CDK13: variants seen among roughly 807,000 people sequenced by gnomAD.
The protein encoded by CDK13 is cyclin dependent kinase 13.
In CDK13, 40 loss-of-function variants were observed where a neutral mutation model predicts 137.6. The ratio of observed to expected loss-of-function variants is 0.29; its 90% CI spans 0.23 to 0.38. The LOEUF (loss-of-function observed/expected upper bound fraction) is 0.38, where lower values mean the gene tolerates loss of function less well. CDK13 is among the 10% of genes least tolerant of loss of function. The pLI, the probability that CDK13 is intolerant of heterozygous loss-of-function variation, is 1.00. For synonymous variants in CDK13, 869 were observed against 760.1 expected, an observed-to-expected ratio of 1.14 and a Z score of -2.36; for missense variants, 1,704 against 1,951.8, an observed-to-expected ratio of 0.87 and a Z score of 2.39.
chr7:40,017,599 TAG>T (rs1785029123), intron 5 of CDK13, among the ~76,000 whole-genome samples: 2 of 152,134 alleles, frequency 1.3e-5, no homozygotes, highest in African/African-American at 4.8e-5. Flanking sequence ...TCTACTGATT[TAG>T]AGAGATACTA....
chr7:39,999,809 G>A (rs1157656032), intron 4 of CDK13, among the ~76,000 whole-genome samples: 3 of 152,084 alleles, frequency 2.0e-5, no homozygotes, highest in Non-Finnish European at 2.9e-5. Context: ...AGAGGGAAAG[G>A]TATCTTGACC....
At position 39,999,509 on chromosome 7, in the gene CDK13, G is replaced by A. The variant is rs1473641845; in HGVS notation, c.2182+9G>A. On this transcript the variant is annotated intron_variant, in intron 4 of 13. Transcript: ENST00000181839. ...CAGGGATAAAGACACTGGTAAGAATGCCAAGTTCTGGGGATCTTTGGGCCT... is the reference window on the plus strand; with the variant it reads ...CAGGGATAAAGACACTGGTAAGAATACCAAGTTCTGGGGATCTTTGGGCCT... 1.3e-6 allele frequency: 2 copies of A among 1,591,918 alleles called. No individual in the cohort carries two copies. Among genetic ancestry groups the A allele is most frequent in the Non-Finnish European group, 8.6e-7 (1 of 1,168,244 alleles).
intron 9 of CDK13, among the ~76,000 whole-genome samples, chr7:40,063,721 G>A (rs530303425): frequency 4.1e-4 from 63 of 151,948 alleles, no homozygotes; most frequent in African/African-American, 1.4e-3. Flanking sequence ...GCAGTGGCAT[G>A]ATCTCCACTC....
At chr7:40,022,477 G>T (rs1198989621) in intron 5 of CDK13, among the ~76,000 whole-genome samples, 2 of 152,022 alleles carry the variant, frequency 1.3e-5, no homozygotes, top group African/African-American at 2.4e-5. Flanking sequence ...TAGAAATGTT[G>T]AAATAAGATC....
rs532394933 is a variant in CDK13 at position 40,042,758 on chromosome 7, G to C, written c.2354-3078G>C. ...GCCTCCGAAAGTGTTGGGATTACAG[G>C]TGTGAGCCACCGTGCTCCAGCCCTC... On this transcript the variant is annotated intron_variant, in intron 5 of 13. Coordinates refer to ENST00000181839, the MANE Select transcript of CDK13 (RefSeq NM_003718.5). Among the ~76,000 whole-genome samples, 4 of 150,912 alleles carry C rather than the reference G, an allele frequency of 2.7e-5. No individual in the cohort carries two copies. In the East Asian group the frequency reaches 7.8e-4, roughly 29 times the overall value.
chr7:40,091,691 G>A (rs1268521988), intron 12 of CDK13, among the ~76,000 whole-genome samples: 1 of 152,090 alleles, frequency 6.6e-6, no homozygotes, highest in African/African-American at 2.4e-5. Flanking sequence ...GTGGTAATAG[G>A]GAAATGAAAA....
chr7:40,030,227 ATATATATG>A (rs1290191145), intron 5 of CDK13, among the ~76,000 whole-genome samples: 1 of 42,278 alleles, frequency 2.4e-5, no homozygotes, highest in Admixed American at 3.8e-4. Flanking sequence ...AATTATATAT[ATATATATG>A]TGTGTGTGTG....
intron 5 of CDK13, among the ~76,000 whole-genome samples, chr7:40,026,782 A>G (rs1023912681): frequency 2.0e-5 from 3 of 152,212 alleles, no homozygotes; most frequent in African/African-American, 7.2e-5. Flanking sequence ...TACTAGGAGA[A>G]AATTGGGAAA....
chr7:39,964,367 A>T (rs1783820216), intron 1 of CDK13, among the ~76,000 whole-genome samples: 1 of 152,120 alleles, frequency 6.6e-6, no homozygotes, highest in Non-Finnish European at 1.5e-5. Context: ...TGTGTCCAGG[A>T]ATTTATTCAT....
At chr7:40,050,080 A>G (rs948836681) in intron 7 of CDK13, among the ~76,000 whole-genome samples, 1 of 151,790 alleles carries the variant, frequency 6.6e-6, no homozygotes. Context: ...CCGGGGTCCA[A>G]GTGATTCTCC....
intron 5 of CDK13, among the ~76,000 whole-genome samples, chr7:40,024,394 G>T (rs1382797999): frequency 6.6e-6 from 1 of 152,046 alleles, no homozygotes; most frequent in Non-Finnish European, 1.5e-5. Context: ...TTCACCCATT[G>T]GTCTGAATTT....
chr7:39,986,033 TTGGGG>T (rs1784332276), intron 1 of CDK13: 1 of 152,238 alleles, frequency 6.6e-6, no homozygotes, highest in African/African-American at 2.4e-5. Flanking sequence ...GGCATATCTG[TTGGGG>T]TCAGCATCAT....
At chr7:40,094,051 C>T (rs1165726816) in intron 13 of CDK13, 79 bp from the exon 14 acceptor site, 1 of 1,496,144 alleles carries the variant, frequency 6.7e-7, no homozygotes, top group African/African-American at 1.4e-5. Context: ...TTAGAACTAC[C>T]TACAGGAAAC....
chr7:40,085,867 T>C (rs1183354297), intron 11 of CDK13: 1 of 152,278 alleles, frequency 6.6e-6, no homozygotes, highest in African/African-American at 2.4e-5. Context: ...ACTTTAGTTA[T>C]TTTTAATAAT....
intron 5 of CDK13, among the ~76,000 whole-genome samples, chr7:40,002,433 G>A (rs1329777767): frequency 1.3e-5 from 2 of 152,036 alleles, no homozygotes; most frequent in East Asian, 1.9e-4. Flanking sequence ...AAGTGTGGAG[G>A]CAAAAATCAT....
intron 5 of CDK13, among the ~76,000 whole-genome samples, chr7:40,002,641 A>T (rs1299808616): frequency 1.3e-5 from 2 of 152,154 alleles, no homozygotes; most frequent in Non-Finnish European, 2.9e-5. Flanking sequence ...TAAAATCTTA[A>T]ATCTTATATT....
At chr7:39,996,977 G>GA (rs56058107) in intron 2 of CDK13, among the ~76,000 whole-genome samples, 2 of 117,088 alleles carry the variant, frequency 1.7e-5, no homozygotes, top group African/African-American at 3.5e-5. Context: ...AAAAAAAAAA[G>GA]AAAAAAAAAA....
rs1222472446 is a variant in CDK13, at chr7:39,951,397, C to T, written c.756C>T (p.Ser252=). Reference sequence around the variant, plus strand: ...AGGTCGCCAAGAGCGGCAGCAGCAGCAGCAGCGGCGGCCGCCGGAAAAGCG... The same window carrying T: ...AGGTCGCCAAGAGCGGCAGCAGCAGTAGCAGCGGCGGCCGCCGGAAAAGCG... ...RAEVAKSGSS[S]SSGGRRKSAS... The change falls in exon 1 of 14, where the codon AGC becomes AGT. Residue 252 remains serine, a synonymous_variant. Transcript: ENST00000181839. 1.3e-6 allele frequency: 2 copies of T among 1,526,152 alleles called. No homozygotes were observed. The highest frequency in any genetic ancestry group is 1.4e-5 in the African/African-American group (1 of 70,726). The allele number at this position is 1,526,152 out of a possible 1,614,324, so 94.5% of individuals were successfully genotyped here. A position where few individuals can be genotyped will look rare whatever the true frequency, so the allele number is the denominator to read the frequency against.
intron 12 of CDK13, among the ~76,000 whole-genome samples, chr7:40,088,937 G>A (rs745895230): frequency 4.6e-5 from 7 of 151,972 alleles, no homozygotes; most frequent in East Asian, 3.9e-4. Context: ...AAAATTAGCC[G>A]GGCGTGGTGG....
Sources: allele counts gnomAD v4.1 joint callset (sites outside exome capture counted in the v4.1 genomes callset), GRCh38; gene constraint gnomAD v4.1.1; transcripts MANE v1.5; gene names NCBI Gene and HGNC (gene_info 2026-07-23, HGNC 2026-07-21).